Variants in LRIG2 observed in about 807,000 individuals in gnomAD.
LRIG2 encodes leucine-rich repeats and immunoglobulin-like domains protein 2.
LRIG2 carries 93 observed loss-of-function variants against 107.8 expected under a neutral mutation model. That is an observed-to-expected ratio of 0.86 (90% CI 0.73 to 1.03). LRIG2 has a LOEUF of 1.03. LRIG2 is among the 50% of genes least tolerant of loss of function. The pLI, the probability that LRIG2 is intolerant of heterozygous loss-of-function variation, is 0.00. For synonymous variants in LRIG2, 471 were observed against 470.6 expected (o/e 1.00, Z -0.01); for missense variants, 1,226 against 1,296.0 (o/e 0.95, Z 0.83).
chr1:113,097,628 A>G (rs1467271838), intron 8 of LRIG2, among the ~76,000 whole-genome samples: 2 of 152,224 alleles, frequency 1.3e-5, no homozygotes, highest in Non-Finnish European at 2.9e-5. Context: ...AGGTTATTTT[A>G]GTATACCACT....
intron 1 of LRIG2, among the ~76,000 whole-genome samples, chr1:113,080,453 C>T (rs1399397869): frequency 6.6e-6 from 1 of 151,994 alleles, no homozygotes. Flanking sequence ...AATCTCGGCT[C>T]ACTGCAAGCT....
chr1:113,102,999 G>GT (rs201548210), intron 11 of LRIG2, among the ~76,000 whole-genome samples: 40,591 of 86,826 alleles, frequency 0.47, 6,866 homozygotes, highest in South Asian at 0.59. Flanking sequence ...AGTATACTCC[G>GT]CCCCCCTCCT....
intron 1 of LRIG2, among the ~76,000 whole-genome samples, chr1:113,089,466 A>G (rs59332136): frequency 0.017 from 2,622 of 152,276 alleles, 66 homozygotes; most frequent in African/African-American, 0.06. Context: ...AGATTGGCCA[A>G]TCAGTGATCT....
chr1:113,114,288 G>C, intron 14 of LRIG2, 139 bp from the exon 15 acceptor site: 1 of 576,522 alleles, frequency 1.7e-6, no homozygotes, highest in Admixed American at 3.6e-5. Context: ...ATTTTGTTCT[G>C]AAACATTAAC....
At chr1:113,106,389 A>G (rs1435528548) in intron 11 of LRIG2, among the ~76,000 whole-genome samples, 15 of 152,218 alleles carry the variant, frequency 9.9e-5, no homozygotes, top group Admixed American at 9.8e-4. Context: ...TTAAGGGGTC[A>G]TTGAGAGAAA....
At position 113,124,374 on chromosome 1, in the gene LRIG2, A is replaced by T; in HGVS notation, c.*273A>T. ...TGTGCTTCCTGATGCTTCCATGGGG[A>T]TGTGCCCTGGTGTGCATCTGCTTGT... On this transcript the variant is annotated 3_prime_UTR_variant, in exon 18 of 18. Coordinates refer to ENST00000361127, the MANE Select transcript of LRIG2 (RefSeq NM_014813.3). 2.0e-6 allele frequency: 1 copy of T among 494,346 alleles called. No individual in the cohort carries two copies. Among genetic ancestry groups the T allele is most frequent in the Non-Finnish European group, 3.7e-6 (1 of 271,184 alleles). The allele number at this position is 494,346 out of a possible 1,614,324, so 30.6% of individuals were successfully genotyped here.
chr1:113,078,208 G>A (rs1054499742), intron 1 of LRIG2, among the ~76,000 whole-genome samples: 2 of 151,264 alleles, frequency 1.3e-5, no homozygotes, highest in Non-Finnish European at 2.9e-5. Flanking sequence ...GTGTGCATGT[G>A]TCTTTATGTT....
chr1:113,105,866 C>T (rs1448140377), intron 11 of LRIG2, among the ~76,000 whole-genome samples: 1 of 152,192 alleles, frequency 6.6e-6, no homozygotes, highest in African/African-American at 2.4e-5. Context: ...TTGCCAGTGC[C>T]CCTCTTGTTT....
Position 113,080,836 on chromosome 1 carries a change from G to GTTT in LRIG2, c.239+7213_239+7215dup, listed in dbSNP as rs1007236694. ...AATTCTAAATATGGGAACACTAAAA[G>GTTT]TTTTTTTTTTTTTTTTTTTTTTTTG... On this transcript the variant is annotated intron_variant, in intron 1 of 17. Transcript: ENST00000361127. Among the ~76,000 whole-genome samples the GTTT allele has an allele frequency of 5.8e-3, 494 of 84,522 alleles. 6 individuals are homozygous for GTTT. Among genetic ancestry groups the GTTT allele is most frequent in the African/African-American group, 0.012 (239 of 19,850 alleles). 55.4% of individuals were successfully genotyped at this position (84,522 alleles called of 152,430 possible). A position where few individuals can be genotyped will look rare whatever the true frequency, so the allele number is the denominator to read the frequency against.
At position 113,126,634 on chromosome 1, in the gene LRIG2, TTTCTC is replaced by T. The variant is rs1655496252; in HGVS notation, c.*2536_*2540del. 6.6e-6 allele frequency: 1 copy of T among 152,412 alleles called. No homozygotes were observed. The highest frequency in any genetic ancestry group is 1.5e-5 in the Non-Finnish European group (1 of 68,066). The allele number at this position is 152,412 out of a possible 1,614,324, so 9.4% of individuals were successfully genotyped here. On this transcript the variant is annotated 3_prime_UTR_variant, in exon 18 of 18. Transcript: ENST00000361127. ...TGGCTCACTGCTGTCCAAGCTTGGT[TTTCTC>T]TTTGCTTACTTCCTGTCATATTTTC...
intron 16 of LRIG2, among the ~76,000 whole-genome samples, chr1:113,117,416 G>T (rs1041218373): frequency 6.6e-6 from 1 of 152,110 alleles, no homozygotes; most frequent in East Asian, 1.9e-4. Flanking sequence ...TTTAGGCTGG[G>T]TGTCAACAGA....
rs1408500460 is a variant in LRIG2 at position 113,125,788 on chromosome 1, T to G, written c.*1687T>G. On this transcript the variant is annotated 3_prime_UTR_variant, in exon 18 of 18. Coordinates refer to ENST00000361127, the MANE Select transcript of LRIG2 (RefSeq NM_014813.3). Reference sequence around the variant, plus strand: ...CTGCAAATCTTGTCATTGTCTGCTTTAATGCTCTTTGAGTTGCAACAGGTG... The same window carrying G: ...CTGCAAATCTTGTCATTGTCTGCTTGAATGCTCTTTGAGTTGCAACAGGTG... 6.6e-6 allele frequency: 1 copy of G among 152,250 alleles called. No individual in the cohort carries two copies. The highest frequency in any genetic ancestry group is 1.5e-5 in the Non-Finnish European group (1 of 68,052). The allele number at this position is 152,250 out of a possible 1,614,324, so 9.4% of individuals were successfully genotyped here. A position where few individuals can be genotyped will look rare whatever the true frequency, so the allele number is the denominator to read the frequency against.
chr1:113,080,019 ATTT>A (rs35584269), intron 1 of LRIG2, among the ~76,000 whole-genome samples: 3 of 112,600 alleles, frequency 2.7e-5, no homozygotes, highest in African/African-American at 7.3e-5. Context: ...CCTGGCCCGA[ATTT>A]TTTTTTTTTT....
intron 1 of LRIG2, among the ~76,000 whole-genome samples, chr1:113,088,855 G>A (rs978075943): frequency 3.3e-5 from 5 of 152,200 alleles, no homozygotes; most frequent in African/African-American, 1.2e-4. Flanking sequence ...TAGCAAGAGT[G>A]AATTGGATGA....
chr1:113,099,290 T>G (rs1378625087), intron 9 of LRIG2, among the ~76,000 whole-genome samples: 1 of 129,024 alleles, frequency 7.8e-6, no homozygotes, highest in East Asian at 2.4e-4. Context: ...CAGGCTGGAG[T>G]GCTGTGGTGC....
chr1:113,078,320 C>CCA (rs1342013968), intron 1 of LRIG2, among the ~76,000 whole-genome samples: 1 of 151,660 alleles, frequency 6.6e-6, no homozygotes, highest in East Asian at 1.9e-4. Context: ...TTCACTGCAA[C>CCA]CCCCGCCTCC....
intron 17 of LRIG2, 138 bp from the exon 18 acceptor site, chr1:113,123,737 G>T (rs1353098144): frequency 1.3e-4 from 79 of 627,972 alleles, no homozygotes; most frequent in Middle Eastern, 4.0e-4. Flanking sequence ...TTGTGTGTGT[G>T]TGTGTGTGTG....
At position 113,073,524 on chromosome 1, in the gene LRIG2, G is replaced by A. The variant is rs773482635; in HGVS notation, c.118G>A (p.Ala40Thr). 1 of 1,614,050 alleles carries A rather than the reference G, an allele frequency of 6.2e-7. No homozygotes were observed. The highest frequency in any genetic ancestry group is 1.3e-5 in the African/African-American group (1 of 74,944). The change falls in exon 1 of 18, where the codon GCA (alanine) becomes ACA (threonine). Residue 40 changes from alanine to threonine, a missense_variant. By Grantham distance (58) the Ala-to-Thr change is moderately conservative (BLOSUM62 0). Coordinates refer to ENST00000361127, the MANE Select transcript of LRIG2 (RefSeq NM_014813.3). The stretch of plus-strand genomic sequence containing the variant: ...TCTCCTCCTGTTGCCCGCCGCCGGA[G>A]CAGGTCTCTGCCCCGCGCCCTGCTC... ...TALLLLPAAG[A>T]GLCPAPCSCR...
intron 1 of LRIG2, among the ~76,000 whole-genome samples, chr1:113,086,416 C>CAATTAG (rs1653556626): frequency 6.6e-6 from 1 of 152,164 alleles, no homozygotes; most frequent in Non-Finnish European, 1.5e-5. Context: ...CTGTCATACC[C>CAATTAG]AAAATATTAG....
Sources: gnomAD v4.1 joint callset for allele counts (sites outside exome capture counted in the v4.1 genomes callset) on GRCh38, gnomAD v4.1.1 for gene constraint, MANE v1.5 for transcripts, NCBI Gene and HGNC (gene_info 2026-07-23, HGNC 2026-07-21) for gene names.